Variants in MTERF4 observed in about 807,000 individuals in gnomAD.
MTERF4 encodes mitochondrial transcription termination factor 4, also known as transcription termination factor 4, mitochondrial.
In MTERF4, 17 loss-of-function variants were observed where a neutral mutation model predicts 22.5. The observed-to-expected ratio is 0.75, with a 90% CI of 0.52 to 1.13. The LOEUF (loss-of-function observed/expected upper bound fraction) is 1.13. Ranked by LOEUF, MTERF4 falls within the 50% of genes most tolerant of loss-of-function variation. The pLI is 0.00. For missense variants in MTERF4, 420 were observed against 466.8 expected, an observed-to-expected ratio of 0.90 and a Z score of 0.92; for synonymous variants, 165 against 175.3, an observed-to-expected ratio of 0.94 and a Z score of 0.47.
At chr2:241,087,268 C>T, downstream of MTERF4, 1 of 756,768 alleles carries the variant, frequency 1.3e-6, no homozygotes, top group Non-Finnish European at 2.1e-6. Flanking sequence ...ACGTTTCATT[C>T]AGAAAATAGC....
chr2:241,071,947 CCT>C, downstream of MTERF4: 1 of 1,280,752 alleles, frequency 7.8e-7, no homozygotes, highest in Non-Finnish European at 1.1e-6. Context: ...CTCACCAGGT[CCT>C]GTCCCCTACA....
chr2:241,102,190 C>A, intron 1 of MTERF4, 63 bp downstream of exon 1: 1 of 1,546,770 alleles, frequency 6.5e-7, no homozygotes, highest in Non-Finnish European at 8.7e-7. Context: ...GGCCGCGGTT[C>A]CTCTGCGTCG....
downstream of MTERF4, chr2:241,071,651 C>A (rs550355310): frequency 1.3e-6 from 2 of 1,572,374 alleles, no homozygotes; most frequent in South Asian, 2.3e-5. Flanking sequence ...AGACCGCCCC[C>A]GGCGCGCCTG....
In MTERF4 at chr2:241,095,859, A is replaced by C. The variant is rs572914419; in HGVS notation, c.*139T>G. The C allele has an allele frequency of 2.4e-4, 356 of 1,466,522 alleles. 1 individual carries two copies. In the African/African-American group the frequency reaches 4.5e-3, roughly 19 times the overall value. 90.8% of individuals were successfully genotyped at this position (1,466,522 alleles called of 1,614,324 possible). ...GATCTGTCTGCCTCTCAGGTGACTT[A>C]TAATTTTTTTCATCAAGAGACCAGT... On this transcript the variant is annotated 3_prime_UTR_variant, in exon 4 of 4. Coordinates refer to ENST00000391980, the MANE Select transcript of MTERF4 (RefSeq NM_182501.4).
the MTERF4 span, among the ~76,000 whole-genome samples, chr2:241,049,330 A>G: frequency 6.6e-6 from 1 of 152,206 alleles, no homozygotes. Flanking sequence ...CAGTGGAGTA[A>G]GCTCACAGGG....
At chr2:241,086,840 G>A (rs1311565236), downstream of MTERF4, among the ~76,000 whole-genome samples, 1 of 152,230 alleles carries the variant, frequency 6.6e-6, no homozygotes, top group Non-Finnish European at 1.5e-5. Flanking sequence ...ACTTGTAAGA[G>A]AGATGGTATG....
chr2:241,069,841 T>C, downstream of MTERF4: 5 of 1,509,614 alleles, frequency 3.3e-6, no homozygotes, highest in East Asian at 2.3e-5. The surrounding 1 kb of genome is among the most constrained non-coding windows in gnomAD (Gnocchi z 4.9). Flanking sequence ...CGGCAGCCCA[T>C]GTCCGGTTCT....
At chr2:241,070,124 A>G (rs1187887308), downstream of MTERF4, 3 of 1,612,454 alleles carry the variant, frequency 1.9e-6, no homozygotes, top group African/African-American at 1.3e-5. Flanking sequence ...CGGCGGTACC[A>G]GCTCTCTGTG....
chr2:241,063,712 C>T, the MTERF4 span: 10,225 of 1,531,208 alleles, frequency 6.7e-3, 574 homozygotes, highest in African/African-American at 0.12. Flanking sequence ...TAGGGGCTCC[C>T]TCCAGTGGGC....
chr2:241,056,207 T>C, the MTERF4 span, among the ~76,000 whole-genome samples: 1 of 152,144 alleles, frequency 6.6e-6, no homozygotes, highest in South Asian at 2.1e-4. Context: ...AATAGAAAAT[T>C]TGAGCAGAGA....
the MTERF4 span, chr2:241,063,005 G>C: frequency 7.1e-6 from 5 of 709,174 alleles, no homozygotes; most frequent in Non-Finnish European, 9.2e-6. Context: ...GGATGGCCAG[G>C]GTGGCCACTG....
At chr2:241,052,607 G>T in the MTERF4 span, 2 of 693,610 alleles carry the variant, frequency 2.9e-6, no homozygotes, top group Non-Finnish European at 2.6e-6. Flanking sequence ...GGATATATGG[G>T]ATACCAGTGC....
rs752724491 is a variant in MTERF4 at position 241,099,609 on chromosome 2, C to T, written c.307G>A (p.Gly103Ser). 6.2e-7 allele frequency: 1 copy of T among 1,614,174 alleles called. No individual in the cohort carries two copies. Among genetic ancestry groups the T allele is most frequent in the Non-Finnish European group, 8.5e-7 (1 of 1,180,042 alleles). ...TCATTAATATGGGCATTGCTGAAAC[C>T]CATGTCCAGGAGGGAACTCATGACC... ...ERVMSSLLDM[G>S]FSNAHINELL... Residue 103 changes from glycine to serine, a missense_variant, in exon 2 of 4, where the codon GGT (glycine) becomes AGT (serine). Physicochemically the swap from Gly to Ser is moderately conservative, Grantham distance 56. Transcript: ENST00000391980.
the MTERF4 span, among the ~76,000 whole-genome samples, chr2:241,044,503 C>T: frequency 6.6e-6 from 1 of 152,254 alleles, no homozygotes; most frequent in East Asian, 1.9e-4. Flanking sequence ...GGAAGAAGAC[C>T]AAGCTTCGAA....
At chr2:241,078,891 A>G (rs914048953) in intron 4 of MTERF4, among the ~76,000 whole-genome samples, 1 of 151,924 alleles carries the variant, frequency 6.6e-6, no homozygotes, top group African/African-American at 2.4e-5. Context: ...AGGCAGGTGG[A>G]TCACTTGAGG....
chr2:241,101,303 G>A, intron 1 of MTERF4: 1 of 382,860 alleles, frequency 2.6e-6, no homozygotes, highest in South Asian at 1.9e-5. Flanking sequence ...CAAAGGCGCA[G>A]TTCACAATAG....
downstream of MTERF4, chr2:241,089,147 A>G: frequency 1.4e-6 from 1 of 696,728 alleles, no homozygotes; most frequent in East Asian, 2.9e-5. Flanking sequence ...GGGATATACC[A>G]TAGAAAGCCA....
At chr2:241,079,674 A>G (rs1175797774) in intron 4 of MTERF4, among the ~76,000 whole-genome samples, 1 of 152,200 alleles carries the variant, frequency 6.6e-6, no homozygotes, top group Non-Finnish European at 1.5e-5. Context: ...AAAAGGCAAC[A>G]CCTAAAAATT....
downstream of MTERF4, among the ~76,000 whole-genome samples, chr2:241,086,747 C>T (rs2063601129): frequency 2.0e-5 from 3 of 152,192 alleles, no homozygotes; most frequent in South Asian, 6.2e-4. Flanking sequence ...TGCTGAACTC[C>T]TTGGATTTCC....
Sources: gnomAD v4.1 joint callset for allele counts (sites outside exome capture counted in the v4.1 genomes callset) on GRCh38, gnomAD v4.1.1 for gene constraint, Gnocchi (gnomAD v3.1) non-coding constraint, MANE v1.5 for transcripts, NCBI Gene and HGNC (gene_info 2026-07-23, HGNC 2026-07-21) for gene names.